PLEKHG3: variants seen among roughly 807,000 people sequenced by gnomAD.
PLEKHG3 encodes pleckstrin homology domain-containing family G member 3.
PLEKHG3 carries 62 observed loss-of-function variants against 94.9 expected under a neutral mutation model. The observed-to-expected ratio is 0.65, with a 90% CI of 0.53 to 0.81. The LOEUF is 0.81. Ranked by LOEUF, PLEKHG3 falls within the 30% of genes least tolerant of loss-of-function variation. The pLI is 0.00. For missense variants in PLEKHG3, 1,461 were observed against 1,619.3 expected, an observed-to-expected ratio of 0.90 and a Z score of 1.68; for synonymous variants, 614 against 654.0, an observed-to-expected ratio of 0.94 and a Z score of 0.93.
At position 64,741,990 on chromosome 14, in the gene PLEKHG3, G is replaced by A. The variant is rs774921163; in HGVS notation, c.2473G>A (p.Gly825Arg). The A allele has an allele frequency of 7.0e-6, 11 of 1,572,342 alleles. No individual in the cohort carries two copies. Among genetic ancestry groups the A allele is most frequent in the African/African-American group, 2.7e-5 (2 of 73,372 alleles). Residue 825 changes from glycine to arginine, a missense_variant, in exon 16 of 17, where the codon GGA becomes AGA. By Grantham distance (125) the Gly-to-Arg change is moderately radical (BLOSUM62 -2). Around this residue, in one of 3 missense-constraint regions of PLEKHG3, gnomAD observed 1,201 missense variants for 1,295.5 expected, o/e 0.93. Transcript: ENST00000247226. ...GATCTGGGAGGGAATGGAGTCTTCC[G>A]GAGGGAGCCCTGGGAAGGGGCCAGG... is the stretch of plus-strand genomic sequence containing the variant. The part of the protein sequence containing the change: ...VKIWEGMESS[G>R]GSPGKGPGQG...
Position 64,738,556 on chromosome 14 carries a change from G to C in PLEKHG3, c.1405-186G>C, listed in dbSNP as rs1440350975. Among the ~76,000 whole-genome samples the C allele has an allele frequency of 6.6e-6, 1 of 152,236 alleles. No homozygotes were observed. Among genetic ancestry groups the C allele is most frequent in the East Asian group, 1.9e-4 (1 of 5,188 alleles). On this transcript the variant is annotated intron_variant, in intron 14 of 16. Transcript: ENST00000247226. This position sits in a 1 kb window ranked among gnomAD's most constrained non-coding sequence, Gnocchi z 4.8. Reference sequence around the variant, plus strand: ...GGGCTGAGGTTTTTTGAAGCTGCATGCCTGACAAGGCTTTCCGCAGCCCCA... The same window carrying C: ...GGGCTGAGGTTTTTTGAAGCTGCATCCCTGACAAGGCTTTCCGCAGCCCCA...
At position 64,749,444 on chromosome 14, in the gene PLEKHG3, C is replaced by G. The variant is rs1179061892; in HGVS notation, c.*5741C>G. On this transcript the variant is annotated 3_prime_UTR_variant, in exon 17 of 17. Coordinates refer to ENST00000247226, the MANE Select transcript of PLEKHG3 (RefSeq NM_001308147.2). The surrounding 1 kb of genome is among the most constrained non-coding windows in gnomAD (Gnocchi z 4.7). ...TCTGGGACTCGTTGATGGCGGTGCT[C>G]ACGCCCTGCAGCCAGGACAGCATCT... The G allele has an allele frequency of 6.2e-7, 1 of 1,602,584 alleles. No individual in the cohort carries two copies. The highest frequency in any genetic ancestry group is 1.3e-5 in the African/African-American group (1 of 74,890).
Position 64,739,770 on chromosome 14 carries a change from C to T in PLEKHG3, c.1518+915C>T, listed in dbSNP as rs181046146. On this transcript the variant is annotated intron_variant, in intron 15 of 16. Coordinates refer to ENST00000247226, the MANE Select transcript of PLEKHG3 (RefSeq NM_001308147.2). This position sits in a 1 kb window ranked among gnomAD's most constrained non-coding sequence, Gnocchi z 4.1. ...CATGGCAAAGGGGCAAGGAAGCTCC[C>T]TTGATCCTCATTTGTAAGGGATCTG... is the stretch of plus-strand genomic sequence containing the variant. 1.3e-5 allele frequency among the ~76,000 whole-genome samples: 2 copies of T among 152,312 alleles called. No individual in the cohort carries two copies. Among genetic ancestry groups the T allele is most frequent in the Admixed American group, 6.5e-5 (1 of 15,302 alleles).
chr14:64,736,719 G>A, intron 12 of PLEKHG3, 134 bp from the exon 13 acceptor site: 1 of 736,520 alleles, frequency 1.4e-6, no homozygotes, highest in Non-Finnish European at 2.5e-6. Flanking sequence ...CTTCCCTGGG[G>A]CCTATGACTG....
intron 12 of PLEKHG3, among the ~76,000 whole-genome samples, chr14:64,733,935 G>T (rs2081522888): frequency 6.6e-6 from 1 of 152,218 alleles, no homozygotes. Flanking sequence ...TATACCCAAG[G>T]TGGGAGTTGG....
intron 14 of PLEKHG3, chr14:64,737,948 G>A (rs973788421): frequency 8.1e-6 from 10 of 1,235,186 alleles, no homozygotes; most frequent in Middle Eastern, 2.5e-4. Flanking sequence ...GGGCTACCCA[G>A]GAGGAGGAAG....
intron 1 of PLEKHG3, among the ~76,000 whole-genome samples, chr14:64,709,471 A>T (rs1298356138): frequency 6.6e-6 from 1 of 152,162 alleles, no homozygotes; most frequent in Non-Finnish European, 1.5e-5. Context: ...TGCTGAGCAG[A>T]CTTGGGCTGA....
Position 64,736,930 on chromosome 14 carries a change from G to A in PLEKHG3, c.1384+39G>A, listed in dbSNP as rs777396638. ...GTGGCCAGCCATTCCCAGTGAGCGG[G>A]GGAGGAGGAGGGAGGAGGGGAAGCA... On this transcript the variant is annotated intron_variant, in intron 13 of 16. Transcript: ENST00000247226. The A allele has an allele frequency of 4.2e-6, 6 of 1,445,040 alleles. No individual in the cohort carries two copies. The African/African-American group carries it at 7.0e-5, about 17-fold the overall frequency. The allele number at this position is 1,445,040 out of a possible 1,614,324, so 89.5% of individuals were successfully genotyped here. A position where few individuals can be genotyped will look rare whatever the true frequency, so the allele number is the denominator to read the frequency against.
Position 64,750,216 on chromosome 14 carries a change from C to T in PLEKHG3, c.*6513C>T. On this transcript the variant is annotated 3_prime_UTR_variant, in exon 17 of 17. Transcript: ENST00000247226. ...GATATGGTATCTCTAGAGTCAATTC[C>T]TATAGCTTCACCATTAAAAAAAATT... 10 of 1,539,922 alleles carry T rather than the reference C, an allele frequency of 6.5e-6. No individual in the cohort carries two copies. The highest frequency in any genetic ancestry group is 1.2e-5 in the South Asian group (1 of 82,460).
intron 1 of PLEKHG3, among the ~76,000 whole-genome samples, chr14:64,705,209 G>C (rs1458041869): frequency 6.6e-6 from 1 of 152,224 alleles, no homozygotes; most frequent in Non-Finnish European, 1.5e-5. Flanking sequence ...GGAGGAGAGT[G>C]GGGGCCAGAA....
Position 64,730,738 on chromosome 14 carries a change from G to C in PLEKHG3, c.566+50G>C, listed in dbSNP as rs750324265. ...GGCAGAGCCATTTGGTGAGTCCAGAGCCCCCCACTTCCTCATCCAGGCCTT... is the reference window on the plus strand; with the variant it reads ...GGCAGAGCCATTTGGTGAGTCCAGACCCCCCCACTTCCTCATCCAGGCCTT... On this transcript the variant is annotated intron_variant, in intron 5 of 16. Transcript: ENST00000247226. This position sits in a 1 kb window ranked among gnomAD's most constrained non-coding sequence, Gnocchi z 5.4. 40 of 1,612,092 alleles carry C rather than the reference G, an allele frequency of 2.5e-5. 1 individual carries two copies. In the South Asian group the frequency reaches 3.7e-4, roughly 15 times the overall value.
Position 64,731,821 on chromosome 14 carries a change from G to A in PLEKHG3, c.1125+15G>A, listed in dbSNP as rs765331357. The A allele has an allele frequency of 3.4e-5, 53 of 1,573,598 alleles. No individual in the cohort carries two copies. Among genetic ancestry groups the A allele is most frequent in the Non-Finnish European group, 4.6e-5 (53 of 1,143,940 alleles). On this transcript the variant is annotated intron_variant, in intron 9 of 16. Coordinates refer to ENST00000247226, the MANE Select transcript of PLEKHG3 (RefSeq NM_001308147.2). This position sits in a 1 kb window ranked among gnomAD's most constrained non-coding sequence, Gnocchi z 6.1. ...ACAGCATCCAGGTGAGGGGAAGGTG[G>A]GGCTCAGGGGCTAGGGAACAAGATG... is the stretch of plus-strand genomic sequence containing the variant.
intron 12 of PLEKHG3, among the ~76,000 whole-genome samples, chr14:64,736,372 C>T (rs941852592): frequency 2.0e-5 from 3 of 152,244 alleles, no homozygotes; most frequent in Non-Finnish European, 2.9e-5. Flanking sequence ...CGTAGAAAGT[C>T]GGGTGCGACC....
Position 64,737,377 on chromosome 14 carries a change from TA to T in PLEKHG3, c.1404+5del. On this transcript the variant is annotated splice_donor_region_variant and intron_variant, in intron 14 of 16. Transcript: ENST00000247226. ...GCAGCCCGAGCAGCAGGAATGAAGGTAAAGGCCAGTGGGAGGAGGGGACTGG... is the reference window on the plus strand; with the variant it reads ...GCAGCCCGAGCAGCAGGAATGAAGGTAAGGCCAGTGGGAGGAGGGGACTGG... 1.3e-6 allele frequency: 2 copies of T among 1,592,594 alleles called. No homozygotes were observed. Among genetic ancestry groups the T allele is most frequent in the South Asian group, 1.1e-5 (1 of 87,184 alleles).
intron 1 of PLEKHG3, among the ~76,000 whole-genome samples, chr14:64,707,375 C>T (rs1010677849): frequency 9.2e-5 from 14 of 152,242 alleles, no homozygotes; most frequent in Non-Finnish European, 1.5e-4. Flanking sequence ...TCCCAGTACT[C>T]ATGCCCCTTA....
At chr14:64,740,344 G>A (rs1031793821) in intron 15 of PLEKHG3, among the ~76,000 whole-genome samples, 2 of 152,172 alleles carry the variant, frequency 1.3e-5, no homozygotes, top group African/African-American at 4.8e-5. Context: ...TCAGTTCTGT[G>A]GTTCAAATTA....
rs1345771858 is a variant in PLEKHG3 at position 64,728,110 on chromosome 14, G to T, written c.351+128G>T. ...CTGGGGTCTCCCACCCTCGCTGACTGCACTGTGAAAGCTGTTGACCCCTGA... is the reference window on the plus strand; with the variant it reads ...CTGGGGTCTCCCACCCTCGCTGACTTCACTGTGAAAGCTGTTGACCCCTGA... On this transcript the variant is annotated intron_variant, in intron 2 of 16. Coordinates refer to ENST00000247226, the MANE Select transcript of PLEKHG3 (RefSeq NM_001308147.2). The surrounding 1 kb of genome is among the most constrained non-coding windows in gnomAD (Gnocchi z 5.9). 3 of 638,406 alleles carry T rather than the reference G, an allele frequency of 4.7e-6. No individual in the cohort carries two copies. The highest frequency in any genetic ancestry group is 7.9e-6 in the Non-Finnish European group (3 of 378,648). The allele number at this position is 638,406 out of a possible 1,614,324, so 39.5% of individuals were successfully genotyped here. A position where few individuals can be genotyped will look rare whatever the true frequency, so the allele number is the denominator to read the frequency against.
intron 1 of PLEKHG3, among the ~76,000 whole-genome samples, chr14:64,713,722 T>A (rs1295967529): frequency 3.9e-5 from 6 of 152,194 alleles, no homozygotes; most frequent in Non-Finnish European, 7.3e-5. Context: ...TCTAGAAAGT[T>A]CATATACATT....
chr14:64,718,909 C>T lies in PLEKHG3; in HGVS notation c.-39-8684C>T, dbSNP rs529182031. 5.9e-5 allele frequency among the ~76,000 whole-genome samples: 9 copies of T among 152,252 alleles called. No individual in the cohort carries two copies. In the East Asian group the frequency reaches 1.7e-3, roughly 29 times the overall value. ...CTCTCTCAAGTTGCCTTAACTTCTG[C>T]TCTTGCTCAGGCCTGCGGTGCCCCC... On this transcript the variant is annotated intron_variant, in intron 1 of 16. Coordinates refer to ENST00000247226, the MANE Select transcript of PLEKHG3 (RefSeq NM_001308147.2). This position sits in a 1 kb window ranked among gnomAD's most constrained non-coding sequence, Gnocchi z 5.0.
Sources: gnomAD v4.1 joint callset for allele counts (sites outside exome capture counted in the v4.1 genomes callset) on GRCh38, gnomAD v4.1.1 for gene constraint, gnomAD v4.1.1 regional missense constraint, Gnocchi (gnomAD v3.1) non-coding constraint, MANE v1.5 for transcripts, NCBI Gene and HGNC (gene_info 2026-07-23, HGNC 2026-07-21) for gene names.